The following ARFIP1 variants were observed in gnomAD, a reference collection of about 807,000 sequenced individuals.
ARFIP1 encodes ARF interacting protein 1, also known as arfaptin-1.
ARFIP1 carries 24 observed loss-of-function variants against 42.5 expected under a neutral mutation model. That is an observed-to-expected ratio of 0.57 (90% CI 0.41 to 0.80). The LOEUF is 0.80. Among genes scored for constraint, ARFIP1 ranks in the 30% least tolerant of loss-of-function variants. The pLI is 0.00. For synonymous variants in ARFIP1, 141 were observed against 153.7 expected (o/e 0.92, Z 0.61); for missense variants, 354 against 434.0 (o/e 0.82, Z 1.64).
intron 8 of ARFIP1, among the ~76,000 whole-genome samples, chr4:152,903,250 C>G (rs1365024038): frequency 6.6e-6 from 1 of 152,004 alleles, no homozygotes; most frequent in African/African-American, 2.4e-5. Context: ...GAGGATTGTT[C>G]ATTATGTTTT....
At chr4:152,864,626 C>G (rs1442735931) in intron 3 of ARFIP1, among the ~76,000 whole-genome samples, 1 of 152,192 alleles carries the variant, frequency 6.6e-6, no homozygotes, top group East Asian at 1.9e-4. Flanking sequence ...ACATAGGTTT[C>G]TCCATCTGTT....
chr4:152,825,981 C>T (rs563399230), intron 1 of ARFIP1, among the ~76,000 whole-genome samples: 1 of 151,888 alleles, frequency 6.6e-6, no homozygotes, highest in South Asian at 2.1e-4. Context: ...CCCAGAATGG[C>T]CATGATTAAA....
At chr4:152,868,537 G>A (rs1466768076) in intron 3 of ARFIP1, among the ~76,000 whole-genome samples, 1 of 152,144 alleles carries the variant, frequency 6.6e-6, no homozygotes, top group Non-Finnish European at 1.5e-5. Context: ...TGAAGTCCCA[G>A]TTACAGCCAC....
intron 7 of ARFIP1, among the ~76,000 whole-genome samples, chr4:152,886,602 C>G (rs1206990239): frequency 2.0e-5 from 3 of 151,912 alleles, no homozygotes; most frequent in South Asian, 4.1e-4. Flanking sequence ...TCTGAGATAC[C>G]TTTTCAGATA....
chr4:152,833,195 C>G (rs1037625354), intron 2 of ARFIP1, among the ~76,000 whole-genome samples: 6 of 145,936 alleles, frequency 4.1e-5, no homozygotes, highest in African/African-American at 1.5e-4. Flanking sequence ...AAGTCAATAG[C>G]AGAAAAACAG....
At chr4:152,859,095 C>G (rs1226667292) in intron 2 of ARFIP1, among the ~76,000 whole-genome samples, 6 of 152,144 alleles carry the variant, frequency 3.9e-5, no homozygotes, top group Non-Finnish European at 7.4e-5. Flanking sequence ...CAGGATCTGG[C>G]TCTGCTGCCC....
intron 1 of ARFIP1, among the ~76,000 whole-genome samples, chr4:152,823,346 G>C (rs192097766): frequency 3.9e-5 from 6 of 152,192 alleles, no homozygotes; most frequent in Admixed American, 3.9e-4. Context: ...CTTGAATCAA[G>C]AAGAAATAGA....
chr4:152,852,531 G>A (rs531288916), intron 2 of ARFIP1, among the ~76,000 whole-genome samples: 1 of 152,170 alleles, frequency 6.6e-6, no homozygotes, highest in East Asian at 1.9e-4. Flanking sequence ...TACTCAGGAG[G>A]CTGAGGCAGG....
intron 7 of ARFIP1, among the ~76,000 whole-genome samples, chr4:152,886,271 C>T (rs1207514344): frequency 6.6e-6 from 1 of 151,980 alleles, no homozygotes; most frequent in East Asian, 1.9e-4. Context: ...ACAATCATGT[C>T]ATTTTTATGT....
intron 1 of ARFIP1, among the ~76,000 whole-genome samples, chr4:152,807,592 C>T (rs185576950): frequency 6.6e-6 from 1 of 152,148 alleles, no homozygotes; most frequent in Admixed American, 6.5e-5. Context: ...TACGTTTTGG[C>T]CATTTTTCAT....
chr4:152,881,362 A>G (rs1578999513), intron 6 of ARFIP1, among the ~76,000 whole-genome samples, 178 bp downstream of exon 6: 1 of 152,100 alleles, frequency 6.6e-6, no homozygotes, highest in Non-Finnish European at 1.5e-5. Context: ...GACTTCTGTT[A>G]ACTTTACTTT....
At chr4:152,834,323 A>T (rs536942481) in intron 2 of ARFIP1, among the ~76,000 whole-genome samples, 1 of 152,160 alleles carries the variant, frequency 6.6e-6, no homozygotes, top group Non-Finnish European at 1.5e-5. Context: ...AAATGTAGTC[A>T]TGCCTTCACA....
At chr4:152,877,205 A>G (rs1266893260) in intron 5 of ARFIP1, among the ~76,000 whole-genome samples, 3 of 152,140 alleles carry the variant, frequency 2.0e-5, no homozygotes, top group Admixed American at 1.3e-4. Context: ...AGCCTCAGAC[A>G]TTCAACGCCA....
chr4:152,839,293 A>G (rs958954866), intron 2 of ARFIP1, among the ~76,000 whole-genome samples: 5 of 152,216 alleles, frequency 3.3e-5, no homozygotes, highest in Non-Finnish European at 5.9e-5. Flanking sequence ...TGCTGGCTTC[A>G]TAAAATGAAT....
chr4:152,788,522 A>G (rs1475635933), intron 1 of ARFIP1, among the ~76,000 whole-genome samples: 1 of 152,058 alleles, frequency 6.6e-6, no homozygotes, highest in African/African-American at 2.4e-5. Context: ...TCTACCAAAA[A>G]TACAAAAAAT....
chr4:152,859,901 A>G (rs923966844), intron 2 of ARFIP1, among the ~76,000 whole-genome samples: 3 of 151,402 alleles, frequency 2.0e-5, no homozygotes, highest in Non-Finnish European at 2.9e-5. Flanking sequence ...CCATCTAGGC[A>G]TGCTCTAATA....
At chr4:152,826,531 A>G (rs1463240073) in intron 1 of ARFIP1, among the ~76,000 whole-genome samples, 2 of 152,202 alleles carry the variant, frequency 1.3e-5, no homozygotes, top group Non-Finnish European at 2.9e-5. Context: ...AATGTACACT[A>G]CCGGGGTGAC....
chr4:152,813,345 A>G (rs1472136349), intron 1 of ARFIP1, among the ~76,000 whole-genome samples: 2 of 152,140 alleles, frequency 1.3e-5, no homozygotes, highest in Non-Finnish European at 2.9e-5. Context: ...CCCCACAGAT[A>G]CCAAGGGATG....
Position 152,880,948 on chromosome 4 carries a change from A to G in ARFIP1, c.412-15A>G. The G allele has an allele frequency of 5.7e-6, 9 of 1,590,428 alleles. No individual in the cohort carries two copies. The highest frequency in any genetic ancestry group is 7.7e-6 in the Non-Finnish European group (9 of 1,163,164). On this transcript the variant is annotated splice_polypyrimidine_tract_variant and intron_variant, in intron 5 of 8. Transcript: ENST00000353617. ...TGTTTTTTCTTTCTAAACAAAATGCATCTTCCACTTTTAGTGTACTCGACA... is the reference window on the plus strand; with the variant it reads ...TGTTTTTTCTTTCTAAACAAAATGCGTCTTCCACTTTTAGTGTACTCGACA...
Sources: allele counts gnomAD v4.1 joint callset (sites outside exome capture counted in the v4.1 genomes callset), GRCh38; gene constraint gnomAD v4.1.1; transcripts MANE v1.5; gene names NCBI Gene and HGNC (gene_info 2026-07-23, HGNC 2026-07-21).